Variants in AKAP7 observed in about 807,000 individuals in gnomAD.
The protein encoded by AKAP7 is A kinase (PRKA) anchor protein 7.
In AKAP7, 39 loss-of-function variants were observed where a neutral mutation model predicts 39.5. That is an observed-to-expected ratio of 0.99 (90% CI 0.76 to 1.29). The LOEUF (loss-of-function observed/expected upper bound fraction) is 1.29. Ranked by LOEUF, AKAP7 falls within the 50% of genes most tolerant of loss-of-function variation. The pLI is 0.00. For synonymous variants in AKAP7, 140 were observed against 139.1 expected (o/e 1.01, Z -0.05); for missense variants, 414 against 407.7 (o/e 1.02, Z -0.13).
At position 131,282,669 on chromosome 6, in the gene AKAP7, G is replaced by C; in HGVS notation, c.*943G>C. The C allele has an allele frequency of 7.4e-7, 1 of 1,353,098 alleles. No homozygotes were observed. Among genetic ancestry groups the C allele is most frequent in the Non-Finnish European group, 1.0e-6 (1 of 1,000,560 alleles). 83.8% of individuals were successfully genotyped at this position (1,353,098 alleles called of 1,614,324 possible). ...TTTTCAGCTTATTAAGTAGCTCTTTGGTAAACACCAAAGAAGTTTCTGATA... is the reference window on the plus strand; with the variant it reads ...TTTTCAGCTTATTAAGTAGCTCTTTCGTAAACACCAAAGAAGTTTCTGATA... On this transcript the variant is annotated 3_prime_UTR_variant, in exon 8 of 8. Coordinates refer to ENST00000431975, the MANE Select transcript of AKAP7 (RefSeq NM_016377.4).
chr6:131,217,641 T>C (rs1809305464), intron 6 of AKAP7, among the ~76,000 whole-genome samples: 1 of 152,196 alleles, frequency 6.6e-6, no homozygotes, highest in African/African-American at 2.4e-5. Context: ...AGACTCATGT[T>C]GGAAATCATC....
At chr6:131,195,313 AAT>A (rs1314260554) in intron 5 of AKAP7, among the ~76,000 whole-genome samples, 1 of 152,186 alleles carries the variant, frequency 6.6e-6, no homozygotes. Context: ...AAAGAAAACT[AAT>A]AAAAACTTTA....
At chr6:131,139,191 A>G (rs1416917280) in intron 1 of AKAP7, among the ~76,000 whole-genome samples, 1 of 152,206 alleles carries the variant, frequency 6.6e-6, no homozygotes, top group Non-Finnish European at 1.5e-5. Context: ...GAAGTGTTCT[A>G]AATATTTGGT....
intron 3 of AKAP7, 94 bp from the exon 4 acceptor site, chr6:131,164,987 G>A: frequency 1.0e-6 from 1 of 1,004,296 alleles, no homozygotes; most frequent in South Asian, 2.0e-5. Flanking sequence ...TTTGGTTGTT[G>A]CTTATTTTTC....
chr6:131,221,714 G>A (rs1809711103), intron 7 of AKAP7, among the ~76,000 whole-genome samples: 2 of 152,166 alleles, frequency 1.3e-5, no homozygotes, highest in East Asian at 3.9e-4. Context: ...TCTAAATTCA[G>A]TCTGTCTATA....
chr6:131,237,117 G>A (rs140261092), intron 7 of AKAP7, among the ~76,000 whole-genome samples: 1 of 152,194 alleles, frequency 6.6e-6, no homozygotes, highest in South Asian at 2.1e-4. Flanking sequence ...TAGCATGAAG[G>A]GTTGTTGAAT....
intron 7 of AKAP7, among the ~76,000 whole-genome samples, chr6:131,239,963 T>G (rs1811395428): frequency 2.0e-5 from 3 of 152,196 alleles, no homozygotes; most frequent in Admixed American, 2.0e-4. Context: ...GCTGCGTTCC[T>G]TTGGAGGAGG....
At chr6:131,247,302 TATATATATA>T (rs1812098361) in intron 7 of AKAP7, among the ~76,000 whole-genome samples, 1 of 124,442 alleles carries the variant, frequency 8.0e-6, no homozygotes, top group African/African-American at 3.4e-5. Flanking sequence ...TATATATATA[TATATATATA>T]TATGTTTTTT....
intron 7 of AKAP7, among the ~76,000 whole-genome samples, chr6:131,266,906 T>A (rs1813847143): frequency 6.6e-6 from 1 of 152,182 alleles, no homozygotes; most frequent in Non-Finnish European, 1.5e-5. Context: ...GATTGATTAG[T>A]ATTCACAAGC....
At chr6:131,230,784 T>C (rs1810563385) in intron 7 of AKAP7, among the ~76,000 whole-genome samples, 1 of 152,088 alleles carries the variant, frequency 6.6e-6, no homozygotes, top group Non-Finnish European at 1.5e-5. Context: ...GAATGTAGAG[T>C]ATAAAAAGTT....
At chr6:131,234,840 GT>G (rs1284996200) in intron 7 of AKAP7, among the ~76,000 whole-genome samples, 1 of 150,406 alleles carries the variant, frequency 6.6e-6, no homozygotes, top group East Asian at 2.0e-4. Flanking sequence ...TGGGCTACTT[GT>G]CATGTGGTTT....
At chr6:131,240,499 C>G (rs993911126) in intron 7 of AKAP7, among the ~76,000 whole-genome samples, 1 of 152,222 alleles carries the variant, frequency 6.6e-6, no homozygotes, top group African/African-American at 2.4e-5. Flanking sequence ...TGCCCTGCCC[C>G]CAGAGGTGAA....
chr6:131,230,369 A>G (rs1016863111), intron 7 of AKAP7, among the ~76,000 whole-genome samples: 2 of 151,966 alleles, frequency 1.3e-5, no homozygotes, highest in African/African-American at 4.8e-5. Flanking sequence ...ATTTTTTCAT[A>G]TATTTGTTGG....
Position 131,199,475 on chromosome 6 carries a change from A to C in AKAP7, c.604A>C (p.Thr202Pro). Residue 202 changes from threonine (T) to proline (P), a missense_variant, in exon 6 of 8, where the codon ACA becomes CCA. Physicochemically the swap from Thr to Pro is conservative, Grantham distance 38. Transcript: ENST00000431975. Reference sequence around the variant, plus strand: ...ATTTTCTTCAGAGACTGCAAATAGGACATTTCAAGAAAAAGGCATCCTGGT... The same window carrying C: ...ATTTTCTTCAGAGACTGCAAATAGGCCATTTCAAGAAAAAGGCATCCTGGT... ...LLEIAETANR[T>P]FQEKGILVGE... 6.3e-7 allele frequency: 1 copy of C among 1,598,786 alleles called. No homozygotes were observed. Among genetic ancestry groups the C allele is most frequent in the Non-Finnish European group, 8.6e-7 (1 of 1,167,042 alleles).
At chr6:131,243,999 CTT>C (rs34699635) in intron 7 of AKAP7, among the ~76,000 whole-genome samples, 1 of 143,260 alleles carries the variant, frequency 7.0e-6, no homozygotes, top group Non-Finnish European at 1.5e-5. Context: ...TTTGCTTTTC[CTT>C]TTTTTTTTTT....
intron 7 of AKAP7, among the ~76,000 whole-genome samples, chr6:131,246,816 G>T (rs1215482816): frequency 6.6e-6 from 1 of 152,166 alleles, no homozygotes; most frequent in Non-Finnish European, 1.5e-5. Flanking sequence ...ACATTTTTCT[G>T]CATAATATTT....
intron 1 of AKAP7, among the ~76,000 whole-genome samples, chr6:131,137,015 G>A (rs1431174693): frequency 6.6e-6 from 1 of 152,174 alleles, no homozygotes; most frequent in African/African-American, 2.4e-5. Flanking sequence ...AGGTGGAAGT[G>A]CACTGGCGCG....
intron 7 of AKAP7, chr6:131,241,946 G>A (rs1201104663): frequency 1.0e-5 from 7 of 685,060 alleles, no homozygotes; most frequent in Non-Finnish European, 1.3e-5. Context: ...AACTTGCTCT[G>A]GTAGAAATGA....
intron 5 of AKAP7, among the ~76,000 whole-genome samples, chr6:131,180,094 A>G (rs1051684511): frequency 5.9e-5 from 9 of 152,292 alleles, no homozygotes; most frequent in Admixed American, 2.6e-4. Context: ...TGGAGCAACT[A>G]TAACCTTCTA....
Sources: allele counts gnomAD v4.1 joint callset (sites outside exome capture counted in the v4.1 genomes callset), GRCh38; gene constraint gnomAD v4.1.1; transcripts MANE v1.5; gene names NCBI Gene and HGNC (gene_info 2026-07-23, HGNC 2026-07-21).